Variants in SHISA9 observed in about 807,000 individuals in gnomAD.
The protein encoded by SHISA9 is shisa family member 9, also known as protein shisa-9.
In SHISA9, 13 loss-of-function variants were observed where a neutral mutation model predicts 38.0. The observed-to-expected ratio is 0.34, with a 90% confidence interval of 0.22 to 0.54. SHISA9 has a LOEUF of 0.54. Among genes scored for constraint, SHISA9 ranks in the 20% least tolerant of loss-of-function variants. SHISA9 has a pLI of 0.91. For synonymous variants in SHISA9, 275 were observed against 242.0 expected, an observed-to-expected ratio of 1.14 and a Z score of -1.27; for missense variants, 538 against 575.8, an observed-to-expected ratio of 0.93 and a Z score of 0.67.
At chr16:13,441,735 G>A in the SHISA9 span, among the ~76,000 whole-genome samples, 3 of 152,124 alleles carry the variant, frequency 2.0e-5, no homozygotes, top group Admixed American at 6.5e-5. Context: ...TCTGGGTCTC[G>A]TTAGCCTGTC....
intron 3 of SHISA9, among the ~76,000 whole-genome samples, chr16:13,212,965 T>G (rs969236249): frequency 6.6e-6 from 1 of 152,236 alleles, no homozygotes; most frequent in Non-Finnish European, 1.5e-5. Context: ...ACCTAAGAAT[T>G]ATCTTTCTGC....
intron 2 of SHISA9, among the ~76,000 whole-genome samples, chr16:12,920,291 GCA>G (rs2071311360): frequency 6.6e-6 from 1 of 152,128 alleles, no homozygotes; most frequent in South Asian, 2.1e-4. Flanking sequence ...TGCACGTTGT[GCA>G]CATGTACCCT....
At chr16:13,408,092 C>T in the SHISA9 span, among the ~76,000 whole-genome samples, 1 of 152,114 alleles carries the variant, frequency 6.6e-6, no homozygotes, top group African/African-American at 2.4e-5. Flanking sequence ...TGTGCAGAAG[C>T]TCTTTAGCAG....
At chr16:13,300,743 A>G in the SHISA9 span, among the ~76,000 whole-genome samples, 1 of 152,044 alleles carries the variant, frequency 6.6e-6, no homozygotes, top group Non-Finnish European at 1.5e-5. Flanking sequence ...AAATCATTCA[A>G]AGAGACCAGG....
chr16:13,024,031 C>A (rs1383634541), intron 2 of SHISA9, among the ~76,000 whole-genome samples: 1 of 152,172 alleles, frequency 6.6e-6, no homozygotes, highest in African/African-American at 2.4e-5. Context: ...AATTAGATGC[C>A]TTTTATGTGC....
chr16:13,488,460 C>T, the SHISA9 span, among the ~76,000 whole-genome samples: 7 of 152,154 alleles, frequency 4.6e-5, no homozygotes, highest in African/African-American at 1.7e-4. Context: ...TACCCTCTTA[C>T]ATATACATTA....
chr16:13,461,507 A>G, the SHISA9 span, among the ~76,000 whole-genome samples: 2 of 150,166 alleles, frequency 1.3e-5, no homozygotes, highest in Non-Finnish European at 3.0e-5. Context: ...TGACCCCTGG[A>G]GGCAGAAGTT....
the SHISA9 span, among the ~76,000 whole-genome samples, chr16:13,469,600 C>T: frequency 6.6e-6 from 1 of 152,300 alleles, no homozygotes; most frequent in South Asian, 2.1e-4. Context: ...GGCTCTTGTT[C>T]TCAAACCTTC....
chr16:13,382,176 T>C, the SHISA9 span, among the ~76,000 whole-genome samples: 3 of 152,184 alleles, frequency 2.0e-5, no homozygotes, highest in Non-Finnish European at 2.9e-5. Flanking sequence ...ATTTCTACAA[T>C]GAAGAATTTA....
At chr16:13,227,888 C>T (rs1403550098) in intron 4 of SHISA9, among the ~76,000 whole-genome samples, 1 of 152,178 alleles carries the variant, frequency 6.6e-6, no homozygotes, top group East Asian at 1.9e-4. Context: ...GGATGAATGC[C>T]TGCTTTGTGC....
the SHISA9 span, among the ~76,000 whole-genome samples, chr16:13,487,347 C>T: frequency 5.9e-5 from 9 of 152,280 alleles, no homozygotes; most frequent in South Asian, 6.2e-4. Context: ...TTCTGTAGGG[C>T]GTACAGGAAG....
At chr16:12,972,531 A>C (rs2072098665) in intron 2 of SHISA9, among the ~76,000 whole-genome samples, 1 of 152,206 alleles carries the variant, frequency 6.6e-6, no homozygotes, top group South Asian at 2.1e-4. Context: ...ACTTTCTTCT[A>C]AGTCAGCACT....
the SHISA9 span, among the ~76,000 whole-genome samples, chr16:13,351,600 C>G: frequency 6.6e-6 from 1 of 152,278 alleles, no homozygotes; most frequent in Admixed American, 6.5e-5. Context: ...AACACTTGCC[C>G]AGGTTACTGT....
chr16:12,909,653 C>T (rs1227702516), intron 1 of SHISA9: 1 of 971,970 alleles, frequency 1.0e-6, no homozygotes, highest in African/African-American at 1.8e-5. Flanking sequence ...CCAATGTCAT[C>T]TTCTCTGAGA....
intron 2 of SHISA9, among the ~76,000 whole-genome samples, chr16:12,945,052 A>G (rs1257315818): frequency 3.9e-5 from 6 of 152,116 alleles, no homozygotes; most frequent in Non-Finnish European, 1.5e-5. Context: ...TTATCCACCA[A>G]ATTCTAGCTC....
the SHISA9 span, among the ~76,000 whole-genome samples, chr16:13,321,497 G>T: frequency 6.6e-6 from 1 of 152,158 alleles, no homozygotes; most frequent in East Asian, 1.9e-4. Flanking sequence ...CCTTGGGAAG[G>T]TATTGTAATA....
the SHISA9 span, among the ~76,000 whole-genome samples, chr16:13,398,838 A>G: frequency 6.6e-6 from 1 of 152,170 alleles, no homozygotes; most frequent in Non-Finnish European, 1.5e-5. Flanking sequence ...ACTCAACTCT[A>G]ACACAGTACC....
At chr16:13,557,748 C>A in the SHISA9 span, among the ~76,000 whole-genome samples, 2 of 152,110 alleles carry the variant, frequency 1.3e-5, no homozygotes, top group Admixed American at 1.3e-4. Context: ...GCAATCTCTA[C>A]CCAGGAAGGA....
chr16:13,559,819 G>C, the SHISA9 span, among the ~76,000 whole-genome samples: 1 of 152,214 alleles, frequency 6.6e-6, no homozygotes, highest in African/African-American at 2.4e-5. Flanking sequence ...AATGCTGACA[G>C]GCTGGATTAC....
Sources: allele counts gnomAD v4.1 joint callset (sites outside exome capture counted in the v4.1 genomes callset), GRCh38; gene constraint gnomAD v4.1.1; transcripts MANE v1.5; gene names NCBI Gene and HGNC (gene_info 2026-07-23, HGNC 2026-07-21).